PRKAA2: variants seen among roughly 807,000 people sequenced by gnomAD.
PRKAA2 encodes the protein protein kinase AMP-activated catalytic subunit alpha 2, also known as 5'-AMP-activated protein kinase catalytic subunit alpha-2.
Under a neutral mutation model 56.3 loss-of-function variants are expected in PRKAA2, and 40 were observed. The ratio of observed to expected loss-of-function variants is 0.71; its 90% CI spans 0.55 to 0.92. The LOEUF (loss-of-function observed/expected upper bound fraction) is 0.92, where lower values mean the gene tolerates loss of function less well. PRKAA2 is among the 40% of genes least tolerant of loss of function. The pLI is 0.00. For missense variants in PRKAA2, 542 were observed against 686.9 expected, an observed-to-expected ratio of 0.79 and a Z score of 2.36; for synonymous variants, 214 against 234.2, an observed-to-expected ratio of 0.91 and a Z score of 0.79.
intron 1 of PRKAA2, among the ~76,000 whole-genome samples, chr1:56,658,425 G>C (rs1005893824): frequency 1.3e-5 from 2 of 152,172 alleles, no homozygotes; most frequent in Non-Finnish European, 2.9e-5. Flanking sequence ...AAGACATTAA[G>C]AGAGGGCATG....
chr1:56,705,456 G>C (rs1248000022), intron 7 of PRKAA2, among the ~76,000 whole-genome samples: 1 of 151,988 alleles, frequency 6.6e-6, no homozygotes, highest in East Asian at 1.9e-4. Context: ...CCAGGCTGGA[G>C]TGCAGTGGCG....
chr1:56,681,911 A>T (rs867043264), intron 2 of PRKAA2, among the ~76,000 whole-genome samples: 3 of 151,746 alleles, frequency 2.0e-5, no homozygotes, highest in Non-Finnish European at 4.4e-5. Context: ...TGGTAGTTTG[A>T]TGGGGATGGC....
intron 6 of PRKAA2, among the ~76,000 whole-genome samples, chr1:56,703,137 G>A (rs1472124847): frequency 6.6e-6 from 1 of 152,096 alleles, no homozygotes; most frequent in Admixed American, 6.5e-5. Context: ...AAGCACAAAG[G>A]CCCAGAAGTG....
rs1644363313 is a variant in PRKAA2 at position 56,710,563 on chromosome 1, T to G, written c.*2850T>G. The G allele has an allele frequency of 6.6e-6, 1 of 152,132 alleles. No individual in the cohort carries two copies. The highest frequency in any genetic ancestry group is 6.6e-5 in the Admixed American group (1 of 15,266). The allele number at this position is 152,132 out of a possible 1,614,324, so 9.4% of individuals were successfully genotyped here. A position where few individuals can be genotyped will look rare whatever the true frequency, so the allele number is the denominator to read the frequency against. ...AATTAGGGTAGTTAATAATTAACACTTCCATTTCTCTTACTGGTTGTTGGG... is the reference window on the plus strand; with the variant it reads ...AATTAGGGTAGTTAATAATTAACACGTCCATTTCTCTTACTGGTTGTTGGG... On this transcript the variant is annotated 3_prime_UTR_variant, in exon 9 of 9. Transcript: ENST00000371244.
At position 56,710,761 on chromosome 1, in the gene PRKAA2, G is replaced by T. The variant is rs1399493951; in HGVS notation, c.*3048G>T. The T allele has an allele frequency of 6.6e-6, 1 of 151,978 alleles. No homozygotes were observed. The highest frequency in any genetic ancestry group is 1.5e-5 in the Non-Finnish European group (1 of 67,964). The allele number at this position is 151,978 out of a possible 1,614,324, so 9.4% of individuals were successfully genotyped here. On this transcript the variant is annotated 3_prime_UTR_variant, in exon 9 of 9. Coordinates refer to ENST00000371244, the MANE Select transcript of PRKAA2 (RefSeq NM_006252.4). ...TGCAACATTATTCTTATGCATGGGT[G>T]ACTGAAAAACCTGAAACAAGATTAC...
chr1:56,666,678 T>G (rs1178967146), intron 1 of PRKAA2, among the ~76,000 whole-genome samples: 1 of 152,168 alleles, frequency 6.6e-6, no homozygotes, highest in Non-Finnish European at 1.5e-5. Context: ...AAGTTCCAAA[T>G]AGTTCTAAAT....
At chr1:56,651,943 G>A (rs1328791110) in intron 1 of PRKAA2, among the ~76,000 whole-genome samples, 12 of 150,620 alleles carry the variant, frequency 8.0e-5, no homozygotes, top group South Asian at 4.2e-4. Context: ...CTGGGTTCAC[G>A]CCATTCTCTT....
At chr1:56,678,439 A>G (rs1644129739) in intron 2 of PRKAA2, among the ~76,000 whole-genome samples, 1 of 152,224 alleles carries the variant, frequency 6.6e-6, no homozygotes, top group Non-Finnish European at 1.5e-5. Flanking sequence ...AATGCCAAGA[A>G]TGAAGGATAT....
At chr1:56,652,163 C>T (rs1261428831) in intron 1 of PRKAA2, among the ~76,000 whole-genome samples, 1 of 151,390 alleles carries the variant, frequency 6.6e-6, no homozygotes, top group African/African-American at 2.4e-5. Context: ...CAGGCGTGCA[C>T]CACCACGCCC....
At chr1:56,664,797 T>A (rs1644021804) in intron 1 of PRKAA2, among the ~76,000 whole-genome samples, 1 of 151,940 alleles carries the variant, frequency 6.6e-6, no homozygotes, top group African/African-American at 2.4e-5. Context: ...TTAAAAAATA[T>A]ATAAAGTGCT....
intron 1 of PRKAA2, among the ~76,000 whole-genome samples, chr1:56,662,962 TC>T (rs1277616288): frequency 1.3e-5 from 2 of 152,180 alleles, no homozygotes; most frequent in East Asian, 3.9e-4. Flanking sequence ...TGGCTAACTT[TC>T]CCAAAACACT....
intron 8 of PRKAA2, 104 bp from the exon 9 acceptor site, chr1:56,707,370 CT>C: frequency 1.1e-6 from 1 of 905,848 alleles, no homozygotes; most frequent in Non-Finnish European, 1.7e-6. Flanking sequence ...TTAAGTTGCC[CT>C]TGCTCAGATG....
In PRKAA2 at chr1:56,713,972, T is replaced by C. The variant is rs977922412; in HGVS notation, c.*6259T>C. 10 of 152,044 alleles carry C rather than the reference T, an allele frequency of 6.6e-5. No homozygotes were observed. Among genetic ancestry groups the C allele is most frequent in the African/African-American group, 2.4e-4 (10 of 41,426 alleles). 9.4% of individuals were successfully genotyped at this position (152,044 alleles called of 1,614,324 possible). On this transcript the variant is annotated 3_prime_UTR_variant, in exon 9 of 9. Transcript: ENST00000371244. ...CTAATCCCTCTCAGTTCTCCTTAGA[T>C]CTGCCTCCTACAAATGATCATGTTG...
chr1:56,684,757 A>G (rs532105308), intron 2 of PRKAA2, among the ~76,000 whole-genome samples: 10 of 152,266 alleles, frequency 6.6e-5, no homozygotes, highest in African/African-American at 2.4e-4. Flanking sequence ...AACCTGATGT[A>G]AAGGGTTTAA....
rs138865930 is a variant in PRKAA2, at chr1:56,649,874, C to T, written c.94+4393C>T. On this transcript the variant is annotated intron_variant, in intron 1 of 8. Coordinates refer to ENST00000371244, the MANE Select transcript of PRKAA2 (RefSeq NM_006252.4). ...CTTTGGGAGGCCGAGGTAGGTGGAT[C>T]ACTTGAGGTCAGGAGTTTGAGAACA... Among the ~76,000 whole-genome samples the T allele has an allele frequency of 6.3e-3, 956 of 152,226 alleles. 11 individuals are homozygous for T. Among genetic ancestry groups the T allele is most frequent in the African/African-American group, 0.022 (922 of 41,536 alleles).
rs887925829 is a variant in PRKAA2 at position 56,713,752 on chromosome 1, A to G, written c.*6039A>G. On this transcript the variant is annotated 3_prime_UTR_variant, in exon 9 of 9. Transcript: ENST00000371244. ...TTTTTTTCTACTAATTTAAACGTGC[A>G]TTTTTCACAGTTACACATTTAAGTT... is the stretch of plus-strand genomic sequence containing the variant. The G allele has an allele frequency of 1.3e-5, 2 of 148,356 alleles. No individual in the cohort carries two copies. The highest frequency in any genetic ancestry group is 1.4e-4 in the Admixed American group (2 of 14,510). 9.2% of individuals were successfully genotyped at this position (148,356 alleles called of 1,614,324 possible). A position where few individuals can be genotyped will look rare whatever the true frequency, so the allele number is the denominator to read the frequency against.
At chr1:56,674,899 G>C (rs1036947574) in intron 2 of PRKAA2, among the ~76,000 whole-genome samples, 1 of 151,892 alleles carries the variant, frequency 6.6e-6, no homozygotes, top group Non-Finnish European at 1.5e-5. Context: ...TTTTTATCTA[G>C]TCAATTTTCA....
intron 4 of PRKAA2, 29 bp downstream of exon 4, chr1:56,692,531 G>A (rs762920944): frequency 1.2e-6 from 2 of 1,602,378 alleles, no homozygotes; most frequent in Non-Finnish European, 1.7e-6. Flanking sequence ...GTTCAGAAAG[G>A]TACTAGCTAC....
At chr1:56,688,576 T>C (rs1234893081) in intron 2 of PRKAA2, among the ~76,000 whole-genome samples, 2 of 152,126 alleles carry the variant, frequency 1.3e-5, no homozygotes, top group African/African-American at 4.8e-5. Context: ...TAGTATAGGA[T>C]TCAGGTCAGT....
Sources: gnomAD v4.1 joint callset for allele counts (sites outside exome capture counted in the v4.1 genomes callset) on GRCh38, gnomAD v4.1.1 for gene constraint, MANE v1.5 for transcripts, NCBI Gene and HGNC (gene_info 2026-07-23, HGNC 2026-07-21) for gene names.